Variants in PDZD2 observed in about 807,000 individuals in gnomAD.
PDZD2 encodes the protein PDZ domain containing 2.
Under a neutral mutation model 220.7 loss-of-function variants are expected in PDZD2, and 90 were observed. The observed-to-expected ratio is 0.41, with a 90% CI of 0.34 to 0.49. The LOEUF is 0.49. PDZD2 is among the 20% of genes least tolerant of loss of function. The pLI is 0.28. For synonymous variants in PDZD2, 1,375 were observed against 1,450.5 expected (o/e 0.95, Z 1.18); for missense variants, 3,174 against 3,608.5 (o/e 0.88, Z 3.08).
intron 2 of PDZD2, among the ~76,000 whole-genome samples, chr5:31,979,395 A>G (rs7716649): frequency 0.076 from 11,480 of 152,008 alleles, 584 homozygotes; most frequent in South Asian, 0.17. Context: ...CATGGACAAC[A>G]TGGTGAAACC....
At position 32,000,272 on chromosome 5, in the gene PDZD2, G is replaced by A. The variant is rs746900087; in HGVS notation, c.1254+1G>A. On this transcript the variant is annotated splice_donor_variant, in intron 5 of 24. Coordinates refer to ENST00000438447, the MANE Select transcript of PDZD2 (RefSeq NM_178140.4). LOFTEE classifies it high-confidence loss of function. This position sits in a 1 kb window ranked among gnomAD's most constrained non-coding sequence, Gnocchi z 4.5. ...GGTGCAGCTTGTGGTGGCCAGCAAG[G>A]TAGGTCGTGTTTGTTTTTTGGTACT... 2.5e-6 allele frequency: 4 copies of A among 1,614,170 alleles called. No homozygotes were observed. In the Admixed American group the frequency reaches 6.7e-5, roughly 27 times the overall value.
chr5:31,648,823 T>C (rs1381019571), intron 1 of PDZD2, among the ~76,000 whole-genome samples: 1 of 152,204 alleles, frequency 6.6e-6, no homozygotes, highest in Non-Finnish European at 1.5e-5. Flanking sequence ...TTACAGTCGA[T>C]GAACCTGTGT....
At chr5:31,737,777 T>C (rs553675375) in intron 1 of PDZD2, among the ~76,000 whole-genome samples, 1 of 152,352 alleles carries the variant, frequency 6.6e-6, no homozygotes, top group South Asian at 2.1e-4. Flanking sequence ...GCTGGATAAA[T>C]CTGCTTTAAA....
At chr5:31,778,661 C>T (rs533022115) in intron 1 of PDZD2, among the ~76,000 whole-genome samples, 5 of 152,284 alleles carry the variant, frequency 3.3e-5, no homozygotes, top group South Asian at 2.1e-4. Context: ...CCGGACATAC[C>T]GTCTTTAGGA....
intron 19 of PDZD2, among the ~76,000 whole-genome samples, chr5:32,081,527 C>T (rs375676805): frequency 4.8e-4 from 73 of 152,272 alleles, no homozygotes; most frequent in African/African-American, 1.5e-3. Context: ...ACCCGATTAC[C>T]GGATCTCTAA....
rs762244943 is a variant in PDZD2, at chr5:32,010,388, G to T, written c.1313G>T (p.Ser438Ile). 6.2e-7 allele frequency: 1 copy of T among 1,612,904 alleles called. No individual in the cohort carries two copies. Among genetic ancestry groups the T allele is most frequent in the Admixed American group, 1.7e-5 (1 of 60,010 alleles). Residue 438 changes from serine (S) to isoleucine (I), a missense_variant, in exon 6 of 25, where the codon AGC becomes ATC. Transcript: ENST00000438447. The stretch of plus-strand genomic sequence containing the variant: ...TCTAAGAGCTTGCCAGATCTGACCA[G>T]CTCGGTAGAAGATGTGTCCTCCTGG... ...LTSKSLPDLT[S>I]SVEDVSSWTD...
At chr5:31,749,271 A>G (rs977158289) in intron 1 of PDZD2, among the ~76,000 whole-genome samples, 1 of 152,198 alleles carries the variant, frequency 6.6e-6, no homozygotes, top group Admixed American at 6.5e-5. Flanking sequence ...ATAGGCCCAC[A>G]GATACTTGTT....
At chr5:31,949,577 A>G (rs1436611691) in intron 2 of PDZD2, among the ~76,000 whole-genome samples, 1 of 151,424 alleles carries the variant, frequency 6.6e-6, no homozygotes, top group Admixed American at 6.6e-5. Context: ...ATCCTATCCC[A>G]TACCCCATCC....
intron 2 of PDZD2, among the ~76,000 whole-genome samples, chr5:31,912,518 T>G (rs932205338): frequency 1.3e-5 from 2 of 152,186 alleles, no homozygotes; most frequent in African/African-American, 4.8e-5. Flanking sequence ...CATTTGTGCC[T>G]CATTCTCTAG....
chr5:32,010,308 G>A (rs951881420), intron 5 of PDZD2, 22 bp from the exon 6 acceptor site: 11 of 1,573,918 alleles, frequency 7.0e-6, no homozygotes, highest in Non-Finnish European at 9.6e-6. Flanking sequence ...TCATGGATGG[G>A]CCTTTAATTG....
intron 1 of PDZD2, among the ~76,000 whole-genome samples, chr5:31,686,829 T>C (rs1435635137): frequency 6.6e-6 from 1 of 152,248 alleles, no homozygotes; most frequent in African/African-American, 2.4e-5. Flanking sequence ...TGTTTTCATA[T>C]GTTAATTTCA....
Position 31,925,585 on chromosome 5 carries a change from A to G in PDZD2, c.477-57570A>G, listed in dbSNP as rs1398034176. Reference sequence around the variant, plus strand: ...TTGATGGCTAAGTCCTCAAAAGCAGACACAACAAAAACAAAAATTGACAAG... The same window carrying G: ...TTGATGGCTAAGTCCTCAAAAGCAGGCACAACAAAAACAAAAATTGACAAG... On this transcript the variant is annotated intron_variant, in intron 2 of 24. Transcript: ENST00000438447. Among the ~76,000 whole-genome samples, 4 of 152,182 alleles carry G rather than the reference A, an allele frequency of 2.6e-5. No individual in the cohort carries two copies. The East Asian group carries it at 7.7e-4, about 29-fold the overall frequency.
At position 32,088,631 on chromosome 5, in the gene PDZD2, C is replaced by T; in HGVS notation, c.5183C>T (p.Pro1728Leu). The change falls in exon 20 of 25, where the codon CCC becomes CTC. Residue 1728 changes from proline to leucine, a missense_variant. Pro to Leu is a moderately conservative substitution (Grantham distance 98). This residue lies in a region of PDZD2 where 1,861 missense variants were observed against 2,001.0 expected (regional missense o/e 0.93). Coordinates refer to ENST00000438447, the MANE Select transcript of PDZD2 (RefSeq NM_178140.4). The surrounding 1 kb of genome is among the most constrained non-coding windows in gnomAD (Gnocchi z 4.6). ...FHSPPIILSSPNMVNGLEHDL... is the reference protein window; with the variant it reads ...FHSPPIILSSLNMVNGLEHDL... ...AGTCCGCCCATCATTCTCAGCTCCC[C>T]CAACATGGTAAATGGCTTGGAACAT... 1 of 1,614,110 alleles carries T rather than the reference C, an allele frequency of 6.2e-7. No individual in the cohort carries two copies. The highest frequency in any genetic ancestry group is 8.5e-7 in the Non-Finnish European group (1 of 1,179,972).
In PDZD2 at chr5:32,091,429, C is replaced by T. The variant is rs183878445; in HGVS notation, c.7727+254C>T. ...CCTCCTGAGTAGCTGGGATTACAGG[C>T]GTGCACCACCACACCTGGCTAATTT... On this transcript the variant is annotated intron_variant, in intron 20 of 24. Coordinates refer to ENST00000438447, the MANE Select transcript of PDZD2 (RefSeq NM_178140.4). Among the ~76,000 whole-genome samples the T allele has an allele frequency of 0.025, 3,800 of 151,812 alleles. 68 individuals carry two copies. The highest frequency in any genetic ancestry group is 0.041 in the Non-Finnish European group (2,808 of 67,922).
chr5:32,007,607 C>T (rs4867100), intron 5 of PDZD2, among the ~76,000 whole-genome samples: 37,187 of 152,152 alleles, frequency 0.24, 9,470 homozygotes, highest in African/African-American at 0.65. Context: ...TGCTAATATT[C>T]AGTAACATCC....
At position 31,983,406 on chromosome 5, in the gene PDZD2, C is replaced by A. The variant is rs1186087329; in HGVS notation, c.728C>A (p.Ser243Tyr). 1 of 1,614,058 alleles carries A rather than the reference C, an allele frequency of 6.2e-7. No individual in the cohort carries two copies. Among genetic ancestry groups the A allele is most frequent in the Non-Finnish European group, 8.5e-7 (1 of 1,180,036 alleles). ...AAGGGCAGCGCTGGCTGTGAGGTGT[C>A]CAGTGACCCCAGCACTGAGCTGGAG... is the stretch of plus-strand genomic sequence containing the variant. ...ESKGSAGCEVSSDPSTELENG... is the reference protein window; with the variant it reads ...ESKGSAGCEVYSDPSTELENG... Residue 243 changes from serine (S) to tyrosine (Y), a missense_variant, in exon 3 of 25, where the codon TCC (serine) becomes TAC (tyrosine). By Grantham distance (144) the Ser-to-Tyr change is moderately radical. This residue lies in a region of PDZD2 where 632 missense variants were observed against 708.1 expected (regional missense o/e 0.89). Transcript: ENST00000438447.
At position 32,089,307 on chromosome 5, in the gene PDZD2, C is replaced by T. The variant is rs147328907; in HGVS notation, c.5859C>T (p.Ser1953=). The change falls in exon 20 of 25, where the codon TCC becomes TCT. Residue 1953 remains serine (S), a synonymous_variant. Coordinates refer to ENST00000438447, the MANE Select transcript of PDZD2 (RefSeq NM_178140.4). The stretch of plus-strand genomic sequence containing the variant: ...GAAACACCACAGCTGCCCCCAGGTC[C>T]CCCCAGTGTGTGCTGGAAAGCAAGC... ...PDRNTTAAPR[S]PQCVLESKPP... is the part of the protein sequence containing the mutation. The T allele has an allele frequency of 3.4e-3, 5,435 of 1,614,136 alleles. 14 individuals are homozygous for T. Among genetic ancestry groups the T allele is most frequent in the Middle Eastern group, 4.0e-3 (24 of 6,062 alleles).
chr5:32,046,610 C>T lies in PDZD2; in HGVS notation c.1520-1929C>T, dbSNP rs1454684050. Among the ~76,000 whole-genome samples the T allele has an allele frequency of 4.6e-5, 7 of 151,990 alleles. 1 individual carries two copies. Among genetic ancestry groups the T allele is most frequent in the East Asian group, 3.9e-4 (2 of 5,170 alleles). ...TTAAACCATGAAGTTTTTAAAAAGA[C>T]GTACTGTACTACATTAAAATTTTGA... On this transcript the variant is annotated intron_variant, in intron 7 of 24. Transcript: ENST00000438447.
At chr5:32,004,956 CCT>C (rs1752686481) in intron 5 of PDZD2, among the ~76,000 whole-genome samples, 1 of 152,166 alleles carries the variant, frequency 6.6e-6, no homozygotes, top group Non-Finnish European at 1.5e-5. Context: ...AAGAGTGAGG[CCT>C]TTCTCTTCTT....
Sources: gnomAD v4.1 joint callset for allele counts (sites outside exome capture counted in the v4.1 genomes callset) on GRCh38, gnomAD v4.1.1 for gene constraint, gnomAD v4.1.1 regional missense constraint, Gnocchi (gnomAD v3.1) non-coding constraint, MANE v1.5 for transcripts, NCBI Gene and HGNC (gene_info 2026-07-23, HGNC 2026-07-21) for gene names.